Variants in SRSF11 observed in about 807,000 individuals in gnomAD.
The protein encoded by SRSF11 is serine/arginine-rich splicing factor 11.
In SRSF11, 9 loss-of-function variants were observed where a neutral mutation model predicts 56.0. The ratio of observed to expected loss-of-function variants is 0.16; its 90% confidence interval spans 0.10 to 0.28. SRSF11 has a LOEUF of 0.28. Among genes scored for constraint, SRSF11 ranks in the 10% least tolerant of loss-of-function variants. The pLI, the probability that SRSF11 is intolerant of heterozygous loss-of-function variation, is 1.00. For missense variants in SRSF11, 421 were observed against 600.7 expected (o/e 0.70, Z 3.13); for synonymous variants, 222 against 215.3 (o/e 1.03, Z -0.27).
At chr1:70,219,083 T>C (rs1267922550), upstream of SRSF11, among the ~76,000 whole-genome samples, 1 of 152,216 alleles carries the variant, frequency 6.6e-6, no homozygotes, top group African/African-American at 2.4e-5. Flanking sequence ...TAAATGCTCA[T>C]TGGAGCATTT....
intron 10 of SRSF11, 84 bp from the exon 11 acceptor site, chr1:70,250,281 T>C: frequency 6.4e-7 from 1 of 1,561,970 alleles, no homozygotes; most frequent in Non-Finnish European, 8.6e-7. Flanking sequence ...ATCTTTGCTG[T>C]ACTACTTATA....
intron 7 of SRSF11, among the ~76,000 whole-genome samples, chr1:70,243,687 TTGAA>T (rs1676074237): frequency 6.6e-6 from 1 of 152,164 alleles, no homozygotes; most frequent in Non-Finnish European, 1.5e-5. Context: ...CAGAGAGAAG[TTGAA>T]TGGTCACTAA....
rs773127881 is a variant in SRSF11 at position 70,250,732 on chromosome 1, C to G, written c.1382C>G (p.Thr461Ser). Residue 461 changes from threonine to serine, a missense_variant, in exon 12 of 12, where the codon ACT becomes AGT. By Grantham distance (58) the Thr-to-Ser change is moderately conservative. Around this residue, in one of 2 missense-constraint regions of SRSF11, gnomAD observed 253 missense variants for 305.8 expected, o/e 0.83. Coordinates refer to ENST00000370949, the MANE Select transcript of SRSF11 (RefSeq NM_001350605.2). ...KTKECSVEKG[T>S]GDSLRESKVN... ...AAGGAATGTTCTGTGGAAAAGGGAA[C>G]TGGTGATTCACTAAGAGAATCCAAA... The G allele has an allele frequency of 2.0e-5, 32 of 1,613,882 alleles. No homozygotes were observed. The highest frequency in any genetic ancestry group is 2.5e-5 in the Non-Finnish European group (30 of 1,179,962).
At chr1:70,232,167 A>G (rs1184992852) in intron 2 of SRSF11, 101 bp from the exon 3 acceptor site, 9 of 1,588,030 alleles carry the variant, frequency 5.7e-6, no homozygotes, top group East Asian at 4.5e-5. Flanking sequence ...AGTACTTTCA[A>G]CAAACTCAGG....
intron 2 of SRSF11, chr1:70,229,762 C>T: frequency 1.0e-6 from 1 of 984,286 alleles, no homozygotes; most frequent in African/African-American, 1.7e-5. Context: ...TAGTCCTTAA[C>T]AGAGAAGTTG....
intron 5 of SRSF11, among the ~76,000 whole-genome samples, chr1:70,236,355 G>C (rs1417182937): frequency 7.9e-6 from 1 of 125,956 alleles, no homozygotes; most frequent in African/African-American, 3.1e-5. Flanking sequence ...TTTTTGAGAC[G>C]AGTCTCACTC....
intron 6 of SRSF11, among the ~76,000 whole-genome samples, chr1:70,239,074 C>T (rs776483970): frequency 4.6e-5 from 7 of 151,982 alleles, no homozygotes; most frequent in South Asian, 2.1e-4. Flanking sequence ...AATAATCTTC[C>T]TATTTGATGT....
chr1:70,212,725 C>T (rs945987348), intron 1 of SRSF11, among the ~76,000 whole-genome samples: 2 of 152,002 alleles, frequency 1.3e-5, no homozygotes, highest in Non-Finnish European at 2.9e-5. Flanking sequence ...TTAATTTTTA[C>T]AATAATGCTA....
chr1:70,235,423 G>A, intron 4 of SRSF11, 78 bp from the exon 5 acceptor site: 2 of 1,219,196 alleles, frequency 1.6e-6, no homozygotes, highest in Non-Finnish European at 2.4e-6. Context: ...GATTTCTGTT[G>A]TTCAGTTTTC....
chr1:70,240,321 C>T (rs191647706), intron 7 of SRSF11, among the ~76,000 whole-genome samples: 104 of 152,190 alleles, frequency 6.8e-4, no homozygotes, highest in African/African-American at 2.4e-3. Context: ...TCTTTTACTG[C>T]AAGTGCATAC....
At chr1:70,235,123 AC>A (rs993543974) in intron 4 of SRSF11, among the ~76,000 whole-genome samples, 1 of 152,022 alleles carries the variant, frequency 6.6e-6, no homozygotes, top group Non-Finnish European at 1.5e-5. Flanking sequence ...AATTTAGCTA[AC>A]CTTTTTTTCT....
intron 9 of SRSF11, chr1:70,247,108 A>G (rs1162017017): frequency 1.5e-5 from 17 of 1,155,018 alleles, no homozygotes; most frequent in Middle Eastern, 2.5e-4. Flanking sequence ...TTAATATTTT[A>G]TGGTCTAGAG....
intron 2 of SRSF11, chr1:70,230,958 A>G (rs1672750423): frequency 1.6e-6 from 2 of 1,214,762 alleles, no homozygotes; most frequent in East Asian, 5.8e-5. Context: ...TAAATTGATG[A>G]CAGCTCTGAC....
intron 1 of SRSF11, among the ~76,000 whole-genome samples, chr1:70,215,757 G>T (rs1296625270): frequency 1.3e-5 from 2 of 152,204 alleles, no homozygotes; most frequent in Non-Finnish European, 2.9e-5. Context: ...CCAGTGGGTA[G>T]CGGGATTATG....
chr1:70,226,010 G>GTGA (rs938637995), intron 1 of SRSF11, among the ~76,000 whole-genome samples: 10 of 152,000 alleles, frequency 6.6e-5, no homozygotes, highest in African/African-American at 2.4e-4. Context: ...GACTAACATG[G>GTGA]TGAAACCCCA....
intron 7 of SRSF11, among the ~76,000 whole-genome samples, chr1:70,241,599 G>C (rs964159903): frequency 5.3e-5 from 8 of 152,108 alleles, no homozygotes; most frequent in Non-Finnish European, 1.2e-4. Context: ...CTTTTTACAC[G>C]TGTCATTTGC....
At chr1:70,215,329 C>G (rs772704884) in intron 1 of SRSF11, among the ~76,000 whole-genome samples, 5 of 152,170 alleles carry the variant, frequency 3.3e-5, no homozygotes, top group Non-Finnish European at 7.4e-5. Context: ...AAATTTCCCT[C>G]TAAATGGAAC....
At chr1:70,219,931 G>C (rs1334233887), upstream of SRSF11, among the ~76,000 whole-genome samples, 3 of 152,172 alleles carry the variant, frequency 2.0e-5, no homozygotes, top group African/African-American at 7.2e-5. Context: ...ACTCTGTAAG[G>C]CTTCAAGTTT....
At chr1:70,228,272 A>G (rs1045123670) in intron 1 of SRSF11, 150 bp from the exon 2 acceptor site, 121 of 582,514 alleles carry the variant, frequency 2.1e-4, no homozygotes, top group African/African-American at 2.0e-3. Flanking sequence ...ACAGTATATG[A>G]TTGAGAATGT....
Sources: allele counts gnomAD v4.1 joint callset (sites outside exome capture counted in the v4.1 genomes callset), GRCh38; gene constraint gnomAD v4.1.1; regional missense constraint gnomAD v4.1.1; transcripts MANE v1.5; gene names NCBI Gene and HGNC (gene_info 2026-07-23, HGNC 2026-07-21).